Variants in PTCHD4 observed in about 807,000 individuals in gnomAD.
PTCHD4 encodes the protein patched domain-containing protein 4.
A neutral mutation model predicts 58.1 loss-of-function variants in PTCHD4; 33 were observed. That is an observed-to-expected ratio of 0.57 (90% confidence interval 0.43 to 0.76). PTCHD4 has a LOEUF of 0.76. Among genes scored for constraint, PTCHD4 ranks in the 30% least tolerant of loss-of-function variants. The pLI, the probability that PTCHD4 is intolerant of heterozygous loss-of-function variation, is 0.00. For missense variants in PTCHD4, 1,058 were observed against 1,027.1 expected, an observed-to-expected ratio of 1.03 and a Z score of -0.41; for synonymous variants, 478 against 409.6, an observed-to-expected ratio of 1.17 and a Z score of -2.02.
At chr6:48,013,769 A>G (rs1178044215) in intron 3 of PTCHD4, among the ~76,000 whole-genome samples, 1 of 152,136 alleles carries the variant, frequency 6.6e-6, no homozygotes, top group Non-Finnish European at 1.5e-5. Flanking sequence ...AGCATTATCT[A>G]TTTACTTAAA....
At chr6:47,883,046 T>G (rs1359445673) in intron 4 of PTCHD4, among the ~76,000 whole-genome samples, 1 of 151,972 alleles carries the variant, frequency 6.6e-6, no homozygotes, top group African/African-American at 2.4e-5. Context: ...TATTCTAAAA[T>G]TTATTATACA....
intron 4 of PTCHD4, among the ~76,000 whole-genome samples, chr6:47,954,445 A>G (rs1424024243): frequency 6.6e-6 from 1 of 152,192 alleles, no homozygotes; most frequent in Admixed American, 6.5e-5. Flanking sequence ...CAGCAAACAT[A>G]TATTAAGTGC....
At chr6:47,986,037 G>C (rs1222492727) in intron 4 of PTCHD4, among the ~76,000 whole-genome samples, 1 of 151,896 alleles carries the variant, frequency 6.6e-6, no homozygotes. Flanking sequence ...TCCCTTTTAT[G>C]ATATAAGAAG....
intron 4 of PTCHD4, among the ~76,000 whole-genome samples, chr6:47,911,329 C>T (rs991944706): frequency 2.6e-5 from 4 of 152,110 alleles, no homozygotes; most frequent in African/African-American, 9.7e-5. Context: ...ACCTACCACT[C>T]CCCACCCAAG....
chr6:47,975,234 A>G (rs181173920), intron 4 of PTCHD4, among the ~76,000 whole-genome samples: 48 of 152,288 alleles, frequency 3.2e-4, no homozygotes, highest in African/African-American at 1.1e-3. Flanking sequence ...ATGTATAGTT[A>G]TTGAATAAGT....
chr6:48,106,683 G>A (rs977056059), intron 1 of PTCHD4, among the ~76,000 whole-genome samples: 1 of 152,178 alleles, frequency 6.6e-6, no homozygotes, highest in African/African-American at 2.4e-5. Flanking sequence ...CAGATGACAT[G>A]ATTGAATGTC....
chr6:47,878,719 C>G lies in PTCHD4; in HGVS notation c.2116G>C (p.Asp706His), dbSNP rs779059101. The change falls in exon 5 of 5, where the codon GAC becomes CAC. Residue 706 changes from aspartate (D) to histidine (H), a missense_variant. Physicochemically the swap from Asp to His is moderately conservative, Grantham distance 81. Transcript: ENST00000339488. ...CACAAGATAGAAATGCAATCCATGT[C>G]GACGTTCCATAATGTCATTAAGCCC... Reference protein sequence around the residue: ...VLGLMTLWNVDMDCISILCLI... With the variant: ...VLGLMTLWNVHMDCISILCLI... 37 of 1,613,396 alleles carry G rather than the reference C, an allele frequency of 2.3e-5. No individual in the cohort carries two copies. In the African/African-American group the frequency reaches 4.1e-4, roughly 18 times the overall value.
At chr6:47,947,381 T>G (rs1371549179) in intron 4 of PTCHD4, among the ~76,000 whole-genome samples, 2 of 152,164 alleles carry the variant, frequency 1.3e-5, no homozygotes, top group East Asian at 3.8e-4. Flanking sequence ...AGAGTTTATA[T>G]TCTCTTTTAT....
intron 4 of PTCHD4, among the ~76,000 whole-genome samples, chr6:47,983,227 A>G (rs1767948582): frequency 6.6e-6 from 1 of 152,184 alleles, no homozygotes; most frequent in Admixed American, 6.5e-5. Flanking sequence ...GTACTAAAGT[A>G]TATGAGGGAT....
At chr6:48,054,191 A>C (rs1336815275) in intron 3 of PTCHD4, among the ~76,000 whole-genome samples, 1 of 152,138 alleles carries the variant, frequency 6.6e-6, no homozygotes, top group African/African-American at 2.4e-5. Context: ...TGTTTCTTTG[A>C]AGAATCATTG....
chr6:47,954,145 T>G (rs1766760561), intron 4 of PTCHD4, among the ~76,000 whole-genome samples: 1 of 152,046 alleles, frequency 6.6e-6, no homozygotes, highest in South Asian at 2.1e-4. Context: ...TCACTTGAGG[T>G]CAAGAATTCA....
At chr6:48,061,808 G>A (rs190406532) in intron 3 of PTCHD4, among the ~76,000 whole-genome samples, 96 of 152,258 alleles carry the variant, frequency 6.3e-4, no homozygotes, top group African/African-American at 2.0e-3. Flanking sequence ...ATGTACCCTT[G>A]TCCACCAGCA....
chr6:47,983,516 TG>T (rs1336285464), intron 4 of PTCHD4, among the ~76,000 whole-genome samples: 1 of 152,198 alleles, frequency 6.6e-6, no homozygotes, highest in Non-Finnish European at 1.5e-5. Context: ...AAGGTACATT[TG>T]GTATTTCAAG....
At position 47,878,713 on chromosome 6, in the gene PTCHD4, C is replaced by G; in HGVS notation, c.2122G>C (p.Asp708His). The G allele has an allele frequency of 6.2e-7, 1 of 1,612,958 alleles. No homozygotes were observed. Among genetic ancestry groups the G allele is most frequent in the Middle Eastern group, 1.7e-4 (1 of 6,056 alleles). Residue 708 changes from aspartate (D) to histidine (H), a missense_variant, in exon 5 of 5, where the codon GAT (aspartate) becomes CAT (histidine). By Grantham distance (81) the Asp-to-His change is moderately conservative. Coordinates refer to ENST00000339488, the MANE Select transcript of PTCHD4 (RefSeq NM_001384253.1). ...ATAAGGCACAAGATAGAAATGCAAT[C>G]CATGTCGACGTTCCATAATGTCATT... ...GLMTLWNVDM[D>H]CISILCLIYT...
chr6:47,896,074 G>A (rs1052782167), intron 4 of PTCHD4, among the ~76,000 whole-genome samples: 1 of 152,228 alleles, frequency 6.6e-6, no homozygotes, highest in African/African-American at 2.4e-5. Flanking sequence ...AAAGCAGACT[G>A]AGGTTTTGGG....
At chr6:47,911,330 C>G (rs116491569) in intron 4 of PTCHD4, among the ~76,000 whole-genome samples, 1,873 of 152,186 alleles carry the variant, frequency 0.012, 41 homozygotes, top group African/African-American at 0.043. Flanking sequence ...CCTACCACTC[C>G]CCACCCAAGG....
At chr6:47,959,412 C>G (rs1766996420) in intron 4 of PTCHD4, among the ~76,000 whole-genome samples, 1 of 152,062 alleles carries the variant, frequency 6.6e-6, no homozygotes, top group Non-Finnish European at 1.5e-5. Context: ...AAAAAGGAAC[C>G]CTGAATGTCA....
At chr6:48,050,500 A>T (rs1764192916) in intron 3 of PTCHD4, among the ~76,000 whole-genome samples, 1 of 152,056 alleles carries the variant, frequency 6.6e-6, no homozygotes, top group South Asian at 2.1e-4. Flanking sequence ...GGAATACTGG[A>T]TCCATCCAAT....
At chr6:47,954,252 G>T (rs939997025) in intron 4 of PTCHD4, among the ~76,000 whole-genome samples, 15 of 152,252 alleles carry the variant, frequency 9.9e-5, no homozygotes, top group Non-Finnish European at 4.4e-5. Context: ...AGCTACTCTG[G>T]AGGCTGAGGC....
Sources: allele counts gnomAD v4.1 joint callset (sites outside exome capture counted in the v4.1 genomes callset), GRCh38; gene constraint gnomAD v4.1.1; transcripts MANE v1.5; gene names NCBI Gene and HGNC (gene_info 2026-07-23, HGNC 2026-07-21).